The following ACSS3 variants were observed in gnomAD, a reference collection of about 807,000 sequenced individuals.
ACSS3 encodes the protein acyl-CoA synthetase short chain family member 3.
In ACSS3, 64 loss-of-function variants were observed where a neutral mutation model predicts 84.2. The ratio of observed to expected loss-of-function variants is 0.76; its 90% CI spans 0.62 to 0.94. ACSS3 has a LOEUF of 0.94. Ranked by LOEUF, ACSS3 falls within the 40% of genes least tolerant of loss-of-function variation. ACSS3 has a pLI of 0.00. For missense variants in ACSS3, 815 were observed against 867.6 expected (o/e 0.94, Z 0.76); for synonymous variants, 317 against 310.1 (o/e 1.02, Z -0.23).
rs958634759 is a variant in ACSS3, at chr12:81,258,678, C to T, written c.*3756C>T. On this transcript the variant is annotated 3_prime_UTR_variant, in exon 16 of 16. Transcript: ENST00000548058. Reference sequence around the variant, plus strand: ...GGCCATCTCGGCTAAAAGCTTATAACATTAGACATGAGTCTGGCTAATGCC... The same window carrying T: ...GGCCATCTCGGCTAAAAGCTTATAATATTAGACATGAGTCTGGCTAATGCC... 6 of 152,080 alleles carry T rather than the reference C, an allele frequency of 3.9e-5. No homozygotes were observed. The highest frequency in any genetic ancestry group is 7.4e-5 in the Non-Finnish European group (5 of 68,024). 9.4% of individuals were successfully genotyped at this position (152,080 alleles called of 1,614,324 possible).
At chr12:81,251,556 G>A (rs911226424) in intron 13 of ACSS3, among the ~76,000 whole-genome samples, 1 of 151,190 alleles carries the variant, frequency 6.6e-6, no homozygotes, top group African/African-American at 2.4e-5. Flanking sequence ...ACATAGCTGG[G>A]CGTGGTAGCT....
rs575922648 is a variant in ACSS3, at chr12:81,086,246, A to T, written c.311+7815A>T. Among the ~76,000 whole-genome samples the T allele has an allele frequency of 2.2e-5, 3 of 138,532 alleles. No individual in the cohort carries two copies. The South Asian group carries it at 6.8e-4, about 32-fold the overall frequency. The allele number at this position is 138,532 out of a possible 152,430, so 90.9% of individuals were successfully genotyped here. A position where few individuals can be genotyped will look rare whatever the true frequency, so the allele number is the denominator to read the frequency against. On this transcript the variant is annotated intron_variant, in intron 1 of 15. Transcript: ENST00000548058. ...TTATTCATAGCGTTGTACACAGTAA[A>T]GGTATATTTAAAATATAAAATCATC...
In ACSS3 at chr12:81,259,516, G is replaced by T; in HGVS notation, c.*4594G>T. On this transcript the variant is annotated 3_prime_UTR_variant, in exon 16 of 16. Transcript: ENST00000548058. ...AGTAAACTAATCAAATGTAATATCT[G>T]ACTCCCCCCAAAAATCACATTTTTC... 1.1e-6 allele frequency: 1 copy of T among 919,020 alleles called. No individual in the cohort carries two copies. Among genetic ancestry groups the T allele is most frequent in the Non-Finnish European group, 1.7e-6 (1 of 599,672 alleles). 56.9% of individuals were successfully genotyped at this position (919,020 alleles called of 1,614,324 possible). A position where few individuals can be genotyped will look rare whatever the true frequency, so the allele number is the denominator to read the frequency against.
chr12:81,199,290 T>A (rs369009539), intron 8 of ACSS3, 51 bp from the exon 9 acceptor site: 21 of 1,496,502 alleles, frequency 1.4e-5, no homozygotes, highest in Non-Finnish European at 1.9e-5. Context: ...TAAATACAAT[T>A]ATTTAGATTT....
At chr12:81,233,105 C>T (rs2033519041) in intron 12 of ACSS3, among the ~76,000 whole-genome samples, 1 of 151,704 alleles carries the variant, frequency 6.6e-6, no homozygotes, top group Admixed American at 6.6e-5. Flanking sequence ...AACTTTACAA[C>T]TCTATATTCA....
intron 8 of ACSS3, among the ~76,000 whole-genome samples, chr12:81,179,271 C>CAAAAAAAAAAAAAAAAAAAAA (rs71098127): frequency 1.9e-4 from 13 of 66,770 alleles, no homozygotes; most frequent in East Asian, 1.5e-3. Context: ...AAGTAATTGC[C>CAAAAAAAAAAAAAAAAAAAAA]AAAAAAAAAA....
At chr12:81,164,045 C>T (rs548955344) in intron 7 of ACSS3, among the ~76,000 whole-genome samples, 46 of 152,212 alleles carry the variant, frequency 3.0e-4, no homozygotes, top group African/African-American at 1.1e-3. Context: ...CAATAATGTC[C>T]TACACCTTCA....
intron 7 of ACSS3, among the ~76,000 whole-genome samples, chr12:81,157,939 C>T (rs1260240644): frequency 6.6e-6 from 1 of 150,564 alleles, no homozygotes; most frequent in Non-Finnish European, 1.5e-5. Flanking sequence ...AATACACACA[C>T]ACACACACAC....
At chr12:81,079,018 T>C (rs1880802768) in intron 1 of ACSS3, among the ~76,000 whole-genome samples, 1 of 151,840 alleles carries the variant, frequency 6.6e-6, no homozygotes, top group Non-Finnish European at 1.5e-5. Flanking sequence ...AAGTGGTGAG[T>C]CAGGGGCTGG....
intron 9 of ACSS3, among the ~76,000 whole-genome samples, chr12:81,211,405 C>T (rs1463947852): frequency 6.6e-6 from 1 of 152,118 alleles, no homozygotes; most frequent in Non-Finnish European, 1.5e-5. Context: ...TTTATAAGAA[C>T]TGCCAAATTC....
intron 13 of ACSS3, among the ~76,000 whole-genome samples, chr12:81,247,652 A>C (rs1356678654): frequency 2.0e-5 from 3 of 152,100 alleles, no homozygotes; most frequent in Non-Finnish European, 4.4e-5. Context: ...ATTCTATCTC[A>C]GTTTAAATCA....
intron 7 of ACSS3, 134 bp downstream of exon 7, chr12:81,152,230 A>C: frequency 1.6e-6 from 1 of 615,892 alleles, no homozygotes; most frequent in Non-Finnish European, 2.7e-6. Context: ...CCAGTTAAAA[A>C]TATAATTTTG....
intron 1 of ACSS3, among the ~76,000 whole-genome samples, chr12:81,096,296 T>G (rs1882039807): frequency 1.3e-5 from 2 of 152,188 alleles, no homozygotes; most frequent in African/African-American, 4.8e-5. Flanking sequence ...CATTTCACAT[T>G]TATTCACACT....
chr12:81,152,320 T>C (rs1886650939), intron 7 of ACSS3, among the ~76,000 whole-genome samples: 1 of 141,406 alleles, frequency 7.1e-6, no homozygotes, highest in Non-Finnish European at 1.6e-5. Context: ...CTGAAGAACA[T>C]ACAAAAACAA....
At chr12:81,126,294 G>T (rs1885091058) in intron 2 of ACSS3, among the ~76,000 whole-genome samples, 1 of 152,224 alleles carries the variant, frequency 6.6e-6, no homozygotes, top group Non-Finnish European at 1.5e-5. Context: ...AATGTCTATA[G>T]TGGAGAGATG....
intron 1 of ACSS3, among the ~76,000 whole-genome samples, chr12:81,081,518 A>G (rs2121261615): frequency 6.6e-6 from 1 of 152,276 alleles, no homozygotes; most frequent in African/African-American, 2.4e-5. Flanking sequence ...GGAACAACAA[A>G]GTGGAAGTTT....
At chr12:81,174,137 C>A (rs985230189) in intron 7 of ACSS3, among the ~76,000 whole-genome samples, 4 of 152,150 alleles carry the variant, frequency 2.6e-5, no homozygotes, top group African/African-American at 9.7e-5. Flanking sequence ...TTCCACTTTT[C>A]AGAAACATCA....
At chr12:81,168,928 G>A (rs775444124) in intron 7 of ACSS3, among the ~76,000 whole-genome samples, 12 of 152,148 alleles carry the variant, frequency 7.9e-5, no homozygotes, top group African/African-American at 1.7e-4. Context: ...AATGTCTATC[G>A]AAGGACCATG....
chr12:81,192,608 T>C (rs1247263009), intron 8 of ACSS3, among the ~76,000 whole-genome samples: 1 of 152,168 alleles, frequency 6.6e-6, no homozygotes, highest in East Asian at 1.9e-4. Flanking sequence ...CTATACCTCT[T>C]CAGGTGTGCA....
Sources: allele counts gnomAD v4.1 joint callset (sites outside exome capture counted in the v4.1 genomes callset), GRCh38; gene constraint gnomAD v4.1.1; transcripts MANE v1.5; gene names NCBI Gene and HGNC (gene_info 2026-07-23, HGNC 2026-07-21).